PELI2: variants seen among roughly 807,000 people sequenced by gnomAD.
The protein encoded by PELI2 is pellino E3 ubiquitin protein ligase family member 2, also known as E3 ubiquitin-protein ligase pellino homolog 2.
In PELI2, 23 loss-of-function variants were observed where a neutral mutation model predicts 42.3. That is an observed-to-expected ratio of 0.54 (90% confidence interval 0.39 to 0.77). PELI2 has a LOEUF of 0.77. Among genes scored for constraint, PELI2 ranks in the 30% least tolerant of loss-of-function variants. PELI2 has a pLI of 0.00. For synonymous variants in PELI2, 245 were observed against 212.2 expected, an observed-to-expected ratio of 1.15 and a Z score of -1.34; for missense variants, 463 against 553.2, an observed-to-expected ratio of 0.84 and a Z score of 1.64.
chr14:56,288,359 G>A lies in PELI2; in HGVS notation c.310-78G>A, dbSNP rs1889708946. ...GGATAGTGAATGTTAAAGGAATCCT[G>A]AATGCTTTTTCCTTGTGAATAAAAT... is the stretch of plus-strand genomic sequence containing the variant. On this transcript the variant is annotated intron_variant, in intron 3 of 5. Coordinates refer to ENST00000267460, the MANE Select transcript of PELI2 (RefSeq NM_021255.3). The surrounding 1 kb of genome is among the most constrained non-coding windows in gnomAD (Gnocchi z 4.6). The A allele has an allele frequency of 9.4e-7, 1 of 1,068,420 alleles. No individual in the cohort carries two copies. The highest frequency in any genetic ancestry group is 1.4e-6 in the Non-Finnish European group (1 of 707,434). The allele number at this position is 1,068,420 out of a possible 1,614,324, so 66.2% of individuals were successfully genotyped here.
At chr14:56,266,944 TAAAG>T (rs1888928519) in intron 2 of PELI2, among the ~76,000 whole-genome samples, 1 of 152,176 alleles carries the variant, frequency 6.6e-6, no homozygotes, top group Non-Finnish European at 1.5e-5. Flanking sequence ...GTTATTGTGT[TAAAG>T]AAGCAGGGAA....
chr14:56,225,170 G>A (rs773888138), intron 2 of PELI2, among the ~76,000 whole-genome samples: 4 of 152,160 alleles, frequency 2.6e-5, no homozygotes, highest in Non-Finnish European at 4.4e-5. Flanking sequence ...TGGTAAACAG[G>A]GAAACGATGG....
chr14:56,218,537 C>T (rs1017919108), intron 2 of PELI2, among the ~76,000 whole-genome samples: 2 of 152,278 alleles, frequency 1.3e-5, no homozygotes, highest in African/African-American at 2.4e-5. Flanking sequence ...ATGTCTTGTG[C>T]GAGATTTTAA....
intron 2 of PELI2, among the ~76,000 whole-genome samples, chr14:56,183,831 A>G (rs1885675320): frequency 6.6e-6 from 1 of 152,198 alleles, no homozygotes. Flanking sequence ...TTTCAATGAG[A>G]AATACTTACA....
At chr14:56,218,971 T>G (rs1248968742) in intron 2 of PELI2, among the ~76,000 whole-genome samples, 2 of 152,194 alleles carry the variant, frequency 1.3e-5, no homozygotes, top group Non-Finnish European at 2.9e-5. Flanking sequence ...CAGGCAGTGC[T>G]CTCGCACTGC....
At chr14:56,275,890 T>C (rs1225581169) in intron 2 of PELI2, among the ~76,000 whole-genome samples, 1 of 152,150 alleles carries the variant, frequency 6.6e-6, no homozygotes, top group African/African-American at 2.4e-5. Flanking sequence ...TTACAGTAAT[T>C]GTGTTTGAAC....
chr14:56,254,418 T>C (rs1463661800), intron 2 of PELI2, among the ~76,000 whole-genome samples: 1 of 147,464 alleles, frequency 6.8e-6, no homozygotes, highest in Non-Finnish European at 1.5e-5. Context: ...AAAATGGTGT[T>C]GGGAAAACTG....
intron 1 of PELI2, among the ~76,000 whole-genome samples, chr14:56,158,895 A>G (rs1884660833): frequency 1.3e-5 from 2 of 152,218 alleles, no homozygotes; most frequent in African/African-American, 4.8e-5. Context: ...TAATATTACC[A>G]TCTGTCTTCT....
At chr14:56,157,162 A>G (rs1202430944) in intron 1 of PELI2, among the ~76,000 whole-genome samples, 1 of 152,190 alleles carries the variant, frequency 6.6e-6, no homozygotes, top group Non-Finnish European at 1.5e-5. Flanking sequence ...CTTCTAGGTA[A>G]TATACTTTTG....
At chr14:56,182,362 T>C (rs1466506669) in intron 2 of PELI2, among the ~76,000 whole-genome samples, 1 of 152,212 alleles carries the variant, frequency 6.6e-6, no homozygotes, top group Non-Finnish European at 1.5e-5. Flanking sequence ...CGTTTACTTT[T>C]TTATGATATG....
chr14:56,226,012 C>T (rs1887339403), intron 2 of PELI2, among the ~76,000 whole-genome samples: 1 of 152,112 alleles, frequency 6.6e-6, no homozygotes, highest in South Asian at 2.1e-4. Context: ...CACTCCCTTT[C>T]CCAGTGCAGA....
intron 1 of PELI2, among the ~76,000 whole-genome samples, chr14:56,122,424 C>G (rs944265579): frequency 2.0e-5 from 3 of 152,180 alleles, no homozygotes; most frequent in Non-Finnish European, 4.4e-5. Context: ...CCTTTCCTCA[C>G]TTTAAGACAG....
At chr14:56,143,482 A>G (rs1423479530) in intron 1 of PELI2, among the ~76,000 whole-genome samples, 1 of 152,248 alleles carries the variant, frequency 6.6e-6, no homozygotes, top group Non-Finnish European at 1.5e-5. Flanking sequence ...TTTAGCATCC[A>G]TCAGTAGATC....
intron 2 of PELI2, among the ~76,000 whole-genome samples, chr14:56,218,202 T>C (rs1886982439): frequency 6.6e-6 from 1 of 152,248 alleles, no homozygotes. Context: ...TTGTGATCTA[T>C]CATTGTTTTC....
intron 3 of PELI2, among the ~76,000 whole-genome samples, chr14:56,282,258 A>G (rs997421415): frequency 1.3e-5 from 2 of 152,156 alleles, no homozygotes; most frequent in African/African-American, 2.4e-5. Context: ...ATATATAGCC[A>G]CAGAAAGAGC....
chr14:56,156,102 ATT>A (rs1884557176), intron 1 of PELI2, among the ~76,000 whole-genome samples: 4 of 152,178 alleles, frequency 2.6e-5, no homozygotes, highest in African/African-American at 9.7e-5. Flanking sequence ...TGAAATAAAT[ATT>A]GTTTTATTCT....
Position 56,118,617 on chromosome 14 carries a change from A to AGGCGGCGGCGTCGGCGGC in PELI2, c.-39_-22dup, listed in dbSNP as rs1882938004. 4 of 1,233,754 alleles carry AGGCGGCGGCGTCGGCGGC rather than the reference A, an allele frequency of 3.2e-6. No individual in the cohort carries two copies. The South Asian group carries it at 7.7e-5, about 24-fold the overall frequency. The allele number at this position is 1,233,754 out of a possible 1,614,324, so 76.4% of individuals were successfully genotyped here. A position where few individuals can be genotyped will look rare whatever the true frequency, so the allele number is the denominator to read the frequency against. ...GCGGACTCGGCGGGGATCGCGGCGGAGGCGGCGGCGTCGGCGGCGGCGTCG... is the reference window on the plus strand; with the variant it reads ...GCGGACTCGGCGGGGATCGCGGCGGAGGCGGCGGCGTCGGCGGCGGCGGCGGCGTCGGCGGCGGCGTCG... On this transcript the variant is annotated 5_prime_UTR_variant, in exon 1 of 6. Coordinates refer to ENST00000267460, the MANE Select transcript of PELI2 (RefSeq NM_021255.3).
At chr14:56,269,454 A>C (rs1252861757) in intron 2 of PELI2, among the ~76,000 whole-genome samples, 1 of 152,154 alleles carries the variant, frequency 6.6e-6, no homozygotes, top group Non-Finnish European at 1.5e-5. Context: ...AAAAAGAAAA[A>C]AAAAATAGAT....
Position 56,298,325 on chromosome 14 carries a change from G to C in PELI2, c.*1159G>C. On this transcript the variant is annotated 3_prime_UTR_variant, in exon 6 of 6. Transcript: ENST00000267460. ...ATTCAAAATTCCTGCTTTTGAGAGA[G>C]CAAATGAGTGTTGCTGAGGAATAAT... is the stretch of plus-strand genomic sequence containing the variant. 1 of 61,306 alleles carries C rather than the reference G, an allele frequency of 1.6e-5. No homozygotes were observed. Among genetic ancestry groups the C allele is most frequent in the South Asian group, 4.2e-4 (1 of 2,368 alleles). The allele number at this position is 61,306 out of a possible 1,614,324, so 3.8% of individuals were successfully genotyped here.
Sources: gnomAD v4.1 joint callset for allele counts (sites outside exome capture counted in the v4.1 genomes callset) on GRCh38, gnomAD v4.1.1 for gene constraint, Gnocchi (gnomAD v3.1) non-coding constraint, MANE v1.5 for transcripts, NCBI Gene and HGNC (gene_info 2026-07-23, HGNC 2026-07-21) for gene names.